Variants in ANKRD28 observed in about 807,000 individuals in gnomAD.
The protein encoded by ANKRD28 is ankyrin repeat domain 28, also known as serine/threonine-protein phosphatase 6 regulatory ankyrin repeat subunit A.
Under a neutral mutation model 126.5 loss-of-function variants are expected in ANKRD28, and 44 were observed. The ratio of observed to expected loss-of-function variants is 0.35; its 90% confidence interval spans 0.27 to 0.45. ANKRD28 has a LOEUF of 0.45. Ranked by LOEUF, ANKRD28 falls within the 20% of genes least tolerant of loss-of-function variation. The pLI, the probability that ANKRD28 is intolerant of heterozygous loss-of-function variation, is 1.00. For synonymous variants in ANKRD28, 442 were observed against 468.5 expected, an observed-to-expected ratio of 0.94 and a Z score of 0.73; for missense variants, 1,110 against 1,316.6, an observed-to-expected ratio of 0.84 and a Z score of 2.43.
chr3:15,851,833 A>G (rs2061658257), intron 1 of ANKRD28, among the ~76,000 whole-genome samples: 1 of 152,260 alleles, frequency 6.6e-6, no homozygotes, highest in African/African-American at 2.4e-5. Context: ...TCTTGTACAC[A>G]AATGTTTGTA....
chr3:15,856,790 G>A (rs2061777054), intron 1 of ANKRD28, among the ~76,000 whole-genome samples: 2 of 152,164 alleles, frequency 1.3e-5, no homozygotes, highest in Admixed American at 6.5e-5. Flanking sequence ...ATGCTTAAAT[G>A]CACAAAGAAA....
chr3:15,803,614 T>TAA (rs145887818), intron 1 of ANKRD28, among the ~76,000 whole-genome samples: 1,704 of 125,252 alleles, frequency 0.014, 49 homozygotes, highest in African/African-American at 0.048. Context: ...AGACTCCATT[T>TAA]AAAAAAAAAA....
intron 18 of ANKRD28, among the ~76,000 whole-genome samples, chr3:15,687,851 G>A (rs898742410): frequency 1.3e-5 from 2 of 152,070 alleles, no homozygotes; most frequent in Admixed American, 6.6e-5. Flanking sequence ...GTTCACAGTC[G>A]CTACTGATGA....
At chr3:15,710,209 T>C (rs1285755082) in intron 12 of ANKRD28, among the ~76,000 whole-genome samples, 1 of 152,216 alleles carries the variant, frequency 6.6e-6, no homozygotes, top group Non-Finnish European at 1.5e-5. Flanking sequence ...CCTGTCAGCT[T>C]TCCCTTATCT....
chr3:15,848,963 T>C (rs991867786), intron 1 of ANKRD28, among the ~76,000 whole-genome samples: 1 of 152,168 alleles, frequency 6.6e-6, no homozygotes, highest in Non-Finnish European at 1.5e-5. Flanking sequence ...AAAAAAGTAT[T>C]AGTGCTAATA....
At chr3:15,809,874 A>G (rs559341583) in intron 1 of ANKRD28, among the ~76,000 whole-genome samples, 59 of 152,312 alleles carry the variant, frequency 3.9e-4, no homozygotes, top group South Asian at 1.7e-3. Context: ...AGTTTCACAT[A>G]TATCAATGTG....
intron 1 of ANKRD28, among the ~76,000 whole-genome samples, chr3:15,842,303 A>G (rs2061439238): frequency 6.6e-6 from 1 of 152,028 alleles, no homozygotes; most frequent in Non-Finnish European, 1.5e-5. Flanking sequence ...GCCAGGCACA[A>G]AAAGACAAAG....
upstream of ANKRD28, among the ~76,000 whole-genome samples, chr3:15,801,274 T>C (rs1023572246): frequency 3.9e-5 from 6 of 152,174 alleles, no homozygotes; most frequent in African/African-American, 1.4e-4. The surrounding 1 kb of genome is among the most constrained non-coding windows in gnomAD (Gnocchi z 4.9). Context: ...ATAAAAACAT[T>C]AAGTCACTGG....
chr3:15,690,164 A>G lies in ANKRD28; in HGVS notation c.1818T>C (p.Leu606=). 2 of 1,608,910 alleles carry G rather than the reference A, an allele frequency of 1.2e-6. No individual in the cohort carries two copies. The highest frequency in any genetic ancestry group is 1.1e-5 in the South Asian group (1 of 89,780). Residue 606 remains leucine (L), a synonymous_variant, in exon 18 of 28, where the codon CTT becomes CTC. Transcript: ENST00000683139. ...TTCTTCCACTACTATTTCTGACATCAAGATCTAACAAAGACTGTACCAACA... is the reference window on the plus strand; with the variant it reads ...TTCTTCCACTACTATTTCTGACATCGAGATCTAACAAAGACTGTACCAACA... ...LEVLVQSLLD[L]DVRNSSGRTP...
Position 15,834,976 on chromosome 3 carries a change from T to G in ANKRD28, c.27+24401A>C, listed in dbSNP as rs554266190. Among the ~76,000 whole-genome samples, 10 of 152,102 alleles carry G rather than the reference T, an allele frequency of 6.6e-5. No homozygotes were observed. In the South Asian group the frequency reaches 2.1e-3, roughly 32 times the overall value. On this transcript the variant is annotated intron_variant, in intron 1 of 27. Transcript: ENST00000399451. ...TAGCCTGGCCAACACGGCAAAATGC[T>G]CTCTCTACTAAAAATACAAAAATTA...
chr3:15,742,749 G>C (rs2057173632), intron 4 of ANKRD28, among the ~76,000 whole-genome samples: 1 of 125,712 alleles, frequency 8.0e-6, no homozygotes, highest in Admixed American at 8.2e-5. Flanking sequence ...CCGGGAGGGA[G>C]GTGAGGGGGT....
chr3:15,850,224 T>TATATAGAGAG lies in ANKRD28; in HGVS notation c.27+9152_27+9153insCTCTCTATAT, dbSNP rs1418223588. Among the ~76,000 whole-genome samples, 103 of 35,088 alleles carry TATATAGAGAG rather than the reference T, an allele frequency of 2.9e-3. 2 individuals carry two copies. Among genetic ancestry groups the TATATAGAGAG allele is most frequent in the East Asian group, 7.5e-3 (5 of 666 alleles). The allele number at this position is 35,088 out of a possible 152,430, so 23.0% of individuals were successfully genotyped here. On this transcript the variant is annotated intron_variant, in intron 1 of 27. Coordinates refer to the ANKRD28 transcript ENST00000399451. ...AAAAAAATATATATATATATATATA[T>TATATAGAGAG]AGAGAGAGAGAGAGAGAGAGAGAGA...
At chr3:15,767,660 C>T (rs1238648658) in intron 2 of ANKRD28, among the ~76,000 whole-genome samples, 9 of 116,482 alleles carry the variant, frequency 7.7e-5, no homozygotes, top group African/African-American at 3.3e-5. Flanking sequence ...GTCAGGAGAT[C>T]GAGACCATCC....
intron 4 of ANKRD28, among the ~76,000 whole-genome samples, chr3:15,743,580 A>ACACACACACACACACACG (rs1553616152): frequency 8.0e-5 from 12 of 150,570 alleles, no homozygotes; most frequent in African/African-American, 3.0e-4. Context: ...ACACACACAC[A>ACACACACACACACACACG]CACACACACA....
intron 8 of ANKRD28, among the ~76,000 whole-genome samples, chr3:15,717,249 G>C (rs1178858960): frequency 6.6e-6 from 1 of 152,080 alleles, no homozygotes; most frequent in Non-Finnish European, 1.5e-5. Flanking sequence ...AGGTAGCTGG[G>C]ACTAAAGGCA....
intron 1 of ANKRD28, among the ~76,000 whole-genome samples, chr3:15,805,852 G>A (rs1351254306): frequency 3.9e-5 from 6 of 152,016 alleles, no homozygotes; most frequent in African/African-American, 7.2e-5. Context: ...AGGAATTCCC[G>A]AAAGTACAGT....
rs141236010 is a variant in ANKRD28 at position 15,702,478 on chromosome 3, C to A, written c.1547+5446G>T. Among the ~76,000 whole-genome samples, 38 of 152,252 alleles carry A rather than the reference C, an allele frequency of 2.5e-4. No individual in the cohort carries two copies. In the South Asian group the frequency reaches 4.8e-3, roughly 19 times the overall value. On this transcript the variant is annotated intron_variant, in intron 14 of 27. Coordinates refer to ENST00000683139, the MANE Select transcript of ANKRD28 (RefSeq NM_001349278.2). ...TGTCCTCTGAAATAAAATATATACA[C>A]AAAATCTGAAAAAATATTTAAGGCT...
chr3:15,772,324 CTG>C (rs1186497102), intron 2 of ANKRD28, among the ~76,000 whole-genome samples: 2 of 152,038 alleles, frequency 1.3e-5, no homozygotes, highest in African/African-American at 4.8e-5. Flanking sequence ...AAAAAATAGT[CTG>C]TATCATAACT....
Position 15,690,104 on chromosome 3 carries a change from A to G in ANKRD28, c.1878T>C (p.Val626=). The part of the protein sequence containing the change: ...PLDLAAFKGH[V]ECVDVLINQG... ...GATTAATGAGTACATCCACACATTC[A>G]ACATGGCCCTTAAAAGCTGCAAGAT... is the stretch of plus-strand genomic sequence containing the variant. The change falls in exon 18 of 28, where the codon GTT becomes GTC. Residue 626 remains valine (V), a synonymous_variant. Transcript: ENST00000683139. The G allele has an allele frequency of 2.5e-6, 4 of 1,612,310 alleles. No individual in the cohort carries two copies. Among genetic ancestry groups the G allele is most frequent in the Non-Finnish European group, 3.4e-6 (4 of 1,179,132 alleles).
Sources: gnomAD v4.1 joint callset for allele counts (sites outside exome capture counted in the v4.1 genomes callset) on GRCh38, gnomAD v4.1.1 for gene constraint, Gnocchi (gnomAD v3.1) non-coding constraint, MANE v1.5 for transcripts, NCBI Gene and HGNC (gene_info 2026-07-23, HGNC 2026-07-21) for gene names.